Variants in HEATR5B observed in about 807,000 individuals in gnomAD.
HEATR5B encodes the protein HEAT repeat-containing protein 5B.
HEATR5B carries 156 observed loss-of-function variants against 224.1 expected under a neutral mutation model. The observed-to-expected ratio is 0.70, with a 90% CI of 0.61 to 0.80. HEATR5B has a LOEUF of 0.80. HEATR5B is among the 30% of genes least tolerant of loss of function. The probability of loss-of-function intolerance (pLI) is 0.00; values close to 1 mark genes in which losing one functional copy is unlikely to be tolerated. For synonymous variants in HEATR5B, 1,027 were observed against 893.0 expected (o/e 1.15, Z -2.68); for missense variants, 2,323 against 2,535.5 (o/e 0.92, Z 1.80).
At chr2:37,009,855 G>A (rs1399298670) in intron 27 of HEATR5B, among the ~76,000 whole-genome samples, 3 of 150,422 alleles carry the variant, frequency 2.0e-5, no homozygotes, top group Non-Finnish European at 4.4e-5. Flanking sequence ...TAGACAACCA[G>A]GCATTCAAAG....
intron 10 of HEATR5B, among the ~76,000 whole-genome samples, chr2:37,062,749 G>C (rs2148565018): frequency 6.6e-6 from 1 of 152,186 alleles, no homozygotes; most frequent in South Asian, 2.1e-4. Context: ...CATTTTTCCT[G>C]TGTCTTCTAA....
chr2:37,079,881 C>G (rs748357955), intron 2 of HEATR5B, among the ~76,000 whole-genome samples: 5 of 152,104 alleles, frequency 3.3e-5, no homozygotes, highest in Non-Finnish European at 7.4e-5. Flanking sequence ...CAACAGTGAA[C>G]AAAATAGACA....
intron 28 of HEATR5B, 177 bp downstream of exon 28, chr2:37,008,434 T>C (rs1461819084): frequency 4.9e-6 from 3 of 606,868 alleles, no homozygotes; most frequent in East Asian, 2.8e-5. Context: ...AAGCTCTATA[T>C]CTTCTATCTA....
chr2:37,037,802 T>G (rs1558327117), intron 21 of HEATR5B, 53 bp downstream of exon 21: 1 of 1,336,758 alleles, frequency 7.5e-7, no homozygotes, highest in Non-Finnish European at 9.7e-7. Context: ...ATTTTTTAAA[T>G]GTAAAATAAA....
intron 17 of HEATR5B, 53 bp downstream of exon 17, chr2:37,053,449 A>T: frequency 1.1e-6 from 1 of 930,186 alleles, no homozygotes; most frequent in Non-Finnish European, 1.6e-6. Context: ...CTGGCTTATT[A>T]AATGCATTAA....
intron 34 of HEATR5B, among the ~76,000 whole-genome samples, chr2:36,989,130 G>C (rs573851930): frequency 6.6e-6 from 1 of 152,110 alleles, no homozygotes; most frequent in South Asian, 2.1e-4. Flanking sequence ...TCTGTCGCCA[G>C]GCTAGAGTGC....
Position 37,007,230 on chromosome 2 carries a change from G to C in HEATR5B, c.4597C>G (p.His1533Asp). The C allele has an allele frequency of 6.2e-7, 1 of 1,613,988 alleles. No individual in the cohort carries two copies. Among genetic ancestry groups the C allele is most frequent in the Non-Finnish European group, 8.5e-7 (1 of 1,180,004 alleles). The change falls in exon 29 of 36, where the codon CAT (histidine) becomes GAT (aspartate). Residue 1533 changes from histidine (H) to aspartate (D), a missense_variant. This residue lies in a region of HEATR5B where 844 missense variants were observed against 812.9 expected (regional missense o/e 1.04). Transcript: ENST00000233099. The stretch of plus-strand genomic sequence containing the variant: ...CTATTTAACCAAAGTGCCACCGCAT[G>C]GAGAATTGGGGCCCAGGAATTCCGA... ...HYRNSWAPIL[H>D]AVALWLNSTG...
rs777191819 is a variant in HEATR5B, at chr2:36,992,821, C to T, written c.5546-2022G>A. On this transcript the variant is annotated intron_variant, in intron 33 of 35. Transcript: ENST00000233099. ...CTCACTGCAGCCTTGAACTCCTGGG[C>T]TCAAGCAACCCTCCCACCTCAGCCG... Among the ~76,000 whole-genome samples the T allele has an allele frequency of 1.8e-4, 27 of 151,970 alleles. 1 individual carries two copies. Among genetic ancestry groups the T allele is most frequent in the Admixed American group, 6.6e-4 (10 of 15,228 alleles).
intron 22 of HEATR5B, among the ~76,000 whole-genome samples, chr2:37,029,493 G>A (rs1330084088): frequency 3.3e-5 from 5 of 151,964 alleles, no homozygotes; most frequent in African/African-American, 4.8e-5. Context: ...GCGAAACCCC[G>A]TCTCTACTAA....
At chr2:37,000,036 A>T (rs1317506995) in intron 33 of HEATR5B, among the ~76,000 whole-genome samples, 1 of 151,406 alleles carries the variant, frequency 6.6e-6, no homozygotes, top group Non-Finnish European at 1.5e-5. Context: ...AACAAACAAA[A>T]ACCCCAAAAA....
chr2:37,044,435 T>C (rs1011243820), intron 18 of HEATR5B, among the ~76,000 whole-genome samples: 11 of 152,378 alleles, frequency 7.2e-5, no homozygotes. Flanking sequence ...CAATTTATTG[T>C]AAAAGTAGTT....
chr2:37,022,723 G>A (rs1214142434), intron 24 of HEATR5B, among the ~76,000 whole-genome samples: 1 of 152,166 alleles, frequency 6.6e-6, no homozygotes. Context: ...AAAGGGAAAT[G>A]TTTTTCCTTT....
chr2:37,062,681 G>A (rs981237814), intron 10 of HEATR5B, among the ~76,000 whole-genome samples: 5 of 152,216 alleles, frequency 3.3e-5, no homozygotes, highest in Admixed American at 3.3e-4. Flanking sequence ...GATAAAATAA[G>A]TTAATACAGC....
chr2:37,007,110 C>T lies in HEATR5B; in HGVS notation c.4717G>A (p.Ala1573Thr). Residue 1573 changes from alanine to threonine, a missense_variant, in exon 29 of 36, where the codon GCA becomes ACA. Transcript: ENST00000233099. ...GGCAAAGATTTAGCACTACCCACTG[C>T]TCCTGATGCCTGGTTTAAATTGACA... ...TSVNLNQASG[A>T]VGSAKSLPEI... is the part of the protein sequence containing the mutation. The T allele has an allele frequency of 6.2e-7, 1 of 1,614,152 alleles. No individual in the cohort carries two copies. Among genetic ancestry groups the T allele is most frequent in the Non-Finnish European group, 8.5e-7 (1 of 1,180,014 alleles).
intron 17 of HEATR5B, 55 bp from the exon 18 acceptor site, chr2:37,049,898 A>G: frequency 9.1e-7 from 1 of 1,093,382 alleles, no homozygotes. Flanking sequence ...CATTATTATT[A>G]TTTTTTTTTT....
At chr2:37,034,828 G>C (rs1669376679) in intron 21 of HEATR5B, among the ~76,000 whole-genome samples, 2 of 151,912 alleles carry the variant, frequency 1.3e-5, no homozygotes, top group Admixed American at 1.3e-4. Flanking sequence ...AAAGCACTGG[G>C]ATTACAGGTG....
At chr2:36,995,104 T>TTTTTTTTTTTTTC (rs1558702449) in intron 33 of HEATR5B, among the ~76,000 whole-genome samples, 1 of 148,486 alleles carries the variant, frequency 6.7e-6, no homozygotes, top group African/African-American at 2.5e-5. Flanking sequence ...TTTTTTTTTT[T>TTTTTTTTTTTTTC]CCTGAGATGG....
chr2:37,083,266 G>T, intron 2 of HEATR5B, 23 bp downstream of exon 2: 1 of 1,612,940 alleles, frequency 6.2e-7, no homozygotes, highest in South Asian at 1.1e-5. Context: ...TAATGCAACT[G>T]GGAAAAAAGA....
intron 18 of HEATR5B, among the ~76,000 whole-genome samples, chr2:37,044,455 T>C (rs2148507996): frequency 6.6e-6 from 1 of 152,384 alleles, no homozygotes; most frequent in Middle Eastern, 3.4e-3. Flanking sequence ...TTGCTCTTTT[T>C]ATATAGCTGA....
Sources: allele counts gnomAD v4.1 joint callset (sites outside exome capture counted in the v4.1 genomes callset), GRCh38; gene constraint gnomAD v4.1.1; regional missense constraint gnomAD v4.1.1; transcripts MANE v1.5; gene names NCBI Gene and HGNC (gene_info 2026-07-23, HGNC 2026-07-21).